TSC22D1: variants seen among roughly 807,000 people sequenced by gnomAD.
TSC22D1 encodes the protein TSC22 domain family member 1.
A neutral mutation model predicts 74.2 loss-of-function variants in TSC22D1; 9 were observed. That is an observed-to-expected ratio of 0.12 (90% confidence interval 0.07 to 0.21). The LOEUF (loss-of-function observed/expected upper bound fraction) is 0.21, where lower values mean the gene tolerates loss of function less well. Among genes scored for constraint, TSC22D1 ranks in the 10% least tolerant of loss-of-function variants. The pLI, the probability that TSC22D1 is intolerant of heterozygous loss-of-function variation, is 1.00. For missense variants in TSC22D1, 1,427 were observed against 1,304.7 expected (o/e 1.09, Z -1.44); for synonymous variants, 586 against 492.5 (o/e 1.19, Z -2.51).
intron 1 of TSC22D1, among the ~76,000 whole-genome samples, chr13:44,490,454 G>T (rs531784075): frequency 6.7e-6 from 1 of 149,534 alleles, no homozygotes; most frequent in African/African-American, 2.5e-5. Flanking sequence ...CTCTCTGTAT[G>T]CTATATTTCA....
chr13:44,464,222 G>A (rs1326664530), intron 1 of TSC22D1, among the ~76,000 whole-genome samples: 1 of 152,160 alleles, frequency 6.6e-6, no homozygotes, highest in African/African-American at 2.4e-5. Flanking sequence ...TAGTATTTTA[G>A]TGTGACTGTA....
intron 1 of TSC22D1, among the ~76,000 whole-genome samples, chr13:44,507,987 A>C (rs1879515825): frequency 6.6e-6 from 1 of 152,208 alleles, no homozygotes; most frequent in African/African-American, 2.4e-5. Flanking sequence ...TGTGGGAATA[A>C]TTTAACTGGT....
At chr13:44,436,942 C>A in intron 1 of TSC22D1, 1 of 1,028,176 alleles carries the variant, frequency 9.7e-7, no homozygotes, top group Non-Finnish European at 1.2e-6. Context: ...GCCCCCTACT[C>A]CCTTCCAGGT....
At chr13:44,536,767 C>A in intron 1 of TSC22D1, 1 of 984,334 alleles carries the variant, frequency 1.0e-6, no homozygotes, top group Non-Finnish European at 1.2e-6. Flanking sequence ...AATTGAGGTA[C>A]AAAAATTGCA....
chr13:44,477,347 G>A (rs1268464568), intron 1 of TSC22D1, among the ~76,000 whole-genome samples: 1 of 152,090 alleles, frequency 6.6e-6, no homozygotes, highest in Non-Finnish European at 1.5e-5. Context: ...AAAGATTGTT[G>A]CATGGATCTT....
At chr13:44,538,795 G>A in intron 1 of TSC22D1, 1 of 985,398 alleles carries the variant, frequency 1.0e-6, no homozygotes, top group Non-Finnish European at 1.2e-6. Flanking sequence ...CAAACTGCAG[G>A]TGCTGGCATG....
At chr13:44,568,917 A>G (rs1390910663) in intron 1 of TSC22D1, among the ~76,000 whole-genome samples, 2 of 152,338 alleles carry the variant, frequency 1.3e-5, no homozygotes, top group East Asian at 3.9e-4. Context: ...AGGAAAAGTA[A>G]TATTTGACAA....
intron 1 of TSC22D1, among the ~76,000 whole-genome samples, chr13:44,542,263 T>C (rs1399884899): frequency 1.3e-5 from 2 of 152,068 alleles, no homozygotes; most frequent in Non-Finnish European, 2.9e-5. Flanking sequence ...CATTTTGATA[T>C]AGGAAATACA....
At chr13:44,435,068 TA>T (rs1350287775) in intron 2 of TSC22D1, 185 bp from the exon 3 acceptor site, 7 of 580,392 alleles carry the variant, frequency 1.2e-5, no homozygotes, top group Non-Finnish European at 2.1e-5. Flanking sequence ...GTTTAACGTA[TA>T]AATGATCAAG....
intron 1 of TSC22D1, among the ~76,000 whole-genome samples, chr13:44,510,673 A>G (rs1879673268): frequency 6.6e-6 from 1 of 151,642 alleles, no homozygotes; most frequent in South Asian, 2.1e-4. Context: ...GCTCACTACA[A>G]CCTCCACCTC....
chr13:44,478,894 AGT>A lies in TSC22D1; in HGVS notation c.2913-42801_2913-42800del, dbSNP rs60733643. Among the ~76,000 whole-genome samples the A allele has an allele frequency of 2.7e-3, 407 of 149,974 alleles. 2 individuals are homozygous for A. The highest frequency in any genetic ancestry group is 7.0e-3 in the Middle Eastern group (2 of 286). On this transcript the variant is annotated intron_variant, in intron 1 of 2. Coordinates refer to ENST00000458659, the MANE Select transcript of TSC22D1 (RefSeq NM_183422.4). ...CTGATATATAAACAAACACACAGGT[AGT>A]GTGTGTGTGTGTGTGTGTATTTATG... is the stretch of plus-strand genomic sequence containing the variant.
rs760716785 is a variant in TSC22D1, at chr13:44,573,789, C to T, written c.2286G>A (p.Ser762=). The change falls in exon 1 of 3, where the codon TCG becomes TCA. Residue 762 remains serine (S), a synonymous_variant. Coordinates refer to ENST00000458659, the MANE Select transcript of TSC22D1 (RefSeq NM_183422.4). The stretch of plus-strand genomic sequence containing the variant: ...CAGTTTGAGCAGGTGGAACCACTTG[C>T]GAAGATGGAGGAGCACCCTGCTGAA... ...SVIQQGAPPS[S]QVVPPAQTGI... The T allele has an allele frequency of 5.0e-6, 8 of 1,614,176 alleles. No individual in the cohort carries two copies. The highest frequency in any genetic ancestry group is 4.5e-5 in the East Asian group (2 of 44,882).
chr13:44,434,631 C>T lies in TSC22D1; in HGVS notation c.3217G>A (p.Ala1073Thr). The change falls in exon 3 of 3, where the codon GCA (alanine) becomes ACA (threonine). Residue 1073 changes from alanine to threonine, a missense_variant. By Grantham distance (58) the Ala-to-Thr change is moderately conservative (BLOSUM62 0). Coordinates refer to ENST00000458659, the MANE Select transcript of TSC22D1 (RefSeq NM_183422.4). ...QPASQGSGPT[A>T] The stretch of plus-strand genomic sequence containing the variant: ...TTCTGCGGGGGCATAGGCAGCTATG[C>T]GGTTGGTCCTGAGCCCTGCGATGCT... The T allele has an allele frequency of 6.5e-7, 1 of 1,531,566 alleles. No homozygotes were observed. 94.9% of individuals were successfully genotyped at this position (1,531,566 alleles called of 1,614,324 possible).
chr13:44,479,313 C>T, intron 1 of TSC22D1, among the ~76,000 whole-genome samples: 1 of 144,880 alleles, frequency 6.9e-6, no homozygotes, highest in African/African-American at 2.6e-5. Context: ...AGTATGAGAT[C>T]TTTCTGTGAT....
At chr13:44,510,874 C>T (rs917605277) in intron 1 of TSC22D1, among the ~76,000 whole-genome samples, 2 of 152,114 alleles carry the variant, frequency 1.3e-5, no homozygotes, top group African/African-American at 4.8e-5. Context: ...GAATTACAGG[C>T]ACGAGCCATC....
At chr13:44,513,478 C>T (rs925534508) in intron 1 of TSC22D1, among the ~76,000 whole-genome samples, 5 of 152,040 alleles carry the variant, frequency 3.3e-5, no homozygotes, top group African/African-American at 1.2e-4. Flanking sequence ...AAACACATAA[C>T]CTGTGACTTT....
chr13:44,560,869 T>G (rs779398517), intron 1 of TSC22D1, among the ~76,000 whole-genome samples: 4 of 152,194 alleles, frequency 2.6e-5, no homozygotes, highest in Admixed American at 2.6e-4. Flanking sequence ...TTTCTTAAAA[T>G]TTCTAACTCC....
At chr13:44,488,979 C>T (rs1878577230) in intron 1 of TSC22D1, among the ~76,000 whole-genome samples, 1 of 151,044 alleles carries the variant, frequency 6.6e-6, no homozygotes, top group African/African-American at 2.4e-5. Context: ...GCCATGGCAT[C>T]TTAAAGAAGA....
intron 1 of TSC22D1, among the ~76,000 whole-genome samples, chr13:44,528,395 T>C (rs1047633212): frequency 2.0e-5 from 3 of 152,086 alleles, no homozygotes; most frequent in African/African-American, 7.2e-5. Flanking sequence ...TATTTACAGA[T>C]AGTTGCAAAC....
Sources: allele counts gnomAD v4.1 joint callset (sites outside exome capture counted in the v4.1 genomes callset), GRCh38; gene constraint gnomAD v4.1.1; transcripts MANE v1.5; gene names NCBI Gene and HGNC (gene_info 2026-07-23, HGNC 2026-07-21).